The following CHODL variants were observed in gnomAD, a reference collection of about 807,000 sequenced individuals.
CHODL encodes the protein transmembrane protein MT75.
CHODL carries 29 observed loss-of-function variants against 34.5 expected under a neutral mutation model. The observed-to-expected ratio is 0.84, with a 90% CI of 0.63 to 1.15. CHODL has a LOEUF of 1.15. Ranked by LOEUF, CHODL falls within the 50% of genes most tolerant of loss-of-function variation. The pLI, the probability that CHODL is intolerant of heterozygous loss-of-function variation, is 0.00. For missense variants in CHODL, 332 were observed against 332.5 expected, an observed-to-expected ratio of 1.00 and a Z score of 0.01; for synonymous variants, 125 against 116.1, an observed-to-expected ratio of 1.08 and a Z score of -0.49.
At chr21:18,241,933 A>G (rs114727416), upstream of CHODL, among the ~76,000 whole-genome samples, 497 of 151,474 alleles carry the variant, frequency 3.3e-3, 4 homozygotes, top group African/African-American at 0.012. Context: ...AAAGTGATGC[A>G]TTTTAGGTGT....
At chr21:18,035,464 G>T (rs1298627589) in intron 2 of CHODL, among the ~76,000 whole-genome samples, 3 of 151,924 alleles carry the variant, frequency 2.0e-5, no homozygotes, top group Non-Finnish European at 4.4e-5. Context: ...CTTGAAGTTT[G>T]TTGAACGTTT....
chr21:17,958,514 G>A (rs965277169), intron 1 of CHODL, among the ~76,000 whole-genome samples: 5 of 152,258 alleles, frequency 3.3e-5, no homozygotes, highest in African/African-American at 1.2e-4. Context: ...TTTGTTCAAT[G>A]TCTGTGTGCA....
chr21:18,018,030 C>A (rs1023282943), intron 1 of CHODL, among the ~76,000 whole-genome samples: 6 of 152,184 alleles, frequency 3.9e-5, no homozygotes, highest in African/African-American at 1.4e-4. Context: ...CACATAGGCC[C>A]CTTTCTGTTG....
At chr21:17,990,391 T>C (rs929830793) in intron 1 of CHODL, among the ~76,000 whole-genome samples, 13 of 152,088 alleles carry the variant, frequency 8.5e-5, no homozygotes, top group Non-Finnish European at 1.5e-5. Flanking sequence ...GCTGAAGATA[T>C]TTTCCTGTCA....
At chr21:17,924,570 C>A (rs1179385553) in intron 1 of CHODL, among the ~76,000 whole-genome samples, 1 of 152,174 alleles carries the variant, frequency 6.6e-6, no homozygotes, top group Non-Finnish European at 1.5e-5. Flanking sequence ...TTGCCCATTG[C>A]AGGCTTCCAA....
chr21:18,168,546 G>A (rs575642611), intron 2 of CHODL, among the ~76,000 whole-genome samples: 1 of 152,080 alleles, frequency 6.6e-6, no homozygotes, highest in African/African-American at 2.4e-5. Flanking sequence ...ATCTTATCTT[G>A]TGCCTATTGG....
In CHODL at chr21:18,257,055, G is replaced by A; in HGVS notation, c.475G>A (p.Gly159Ser). ...ACCAACTGCCAATCCTGGCCTTGGGGGTCCCTACCTTTACCAGTGGAATGA... is the reference window on the plus strand; with the variant it reads ...ACCAACTGCCAATCCTGGCCTTGGGAGTCCCTACCTTTACCAGTGGAATGA... ...HQPTANPGLGGPYLYQWNDDR... is the reference protein window; with the variant it reads ...HQPTANPGLGSPYLYQWNDDR... Residue 159 changes from glycine (G) to serine (S), a missense_variant, in exon 3 of 6, where the codon GGT becomes AGT. Coordinates refer to ENST00000299295, the MANE Select transcript of CHODL (RefSeq NM_024944.3). 1 of 1,613,988 alleles carries A rather than the reference G, an allele frequency of 6.2e-7. No individual in the cohort carries two copies.
intron 2 of CHODL, among the ~76,000 whole-genome samples, chr21:18,052,784 TG>T (rs2064531870): frequency 6.6e-6 from 1 of 151,814 alleles, no homozygotes; most frequent in Non-Finnish European, 1.5e-5. Flanking sequence ...GACCAATATT[TG>T]GAAAGACACT....
chr21:17,929,260 A>G (rs2063252223), intron 1 of CHODL, among the ~76,000 whole-genome samples: 1 of 152,230 alleles, frequency 6.6e-6, no homozygotes, highest in Non-Finnish European at 1.5e-5. Context: ...GAATATCATC[A>G]CTAACAATTC....
At chr21:17,956,782 C>T (rs2063496513) in intron 1 of CHODL, among the ~76,000 whole-genome samples, 1 of 133,042 alleles carries the variant, frequency 7.5e-6, no homozygotes, top group African/African-American at 2.5e-5. Flanking sequence ...TCCTTATGAC[C>T]TTAACCCCTC....
At chr21:18,212,631 T>C (rs182147924) in intron 2 of CHODL, among the ~76,000 whole-genome samples, 1 of 152,194 alleles carries the variant, frequency 6.6e-6, no homozygotes, top group East Asian at 1.9e-4. Context: ...ACATTATAGT[T>C]TAAAAAGTAA....
chr21:18,065,250 G>C (rs566558352), intron 2 of CHODL, among the ~76,000 whole-genome samples: 7 of 152,284 alleles, frequency 4.6e-5, no homozygotes, highest in Admixed American at 4.6e-4. Context: ...TCCTGCATTG[G>C]AATAGGCATT....
At chr21:18,134,356 T>G (rs1393401853) in intron 2 of CHODL, 2 of 517,820 alleles carry the variant, frequency 3.9e-6, no homozygotes, top group Non-Finnish European at 7.7e-6. Flanking sequence ...TTTAGTCCAC[T>G]GAGTGAAAGG....
At chr21:18,104,456 G>A (rs1186635248) in intron 2 of CHODL, among the ~76,000 whole-genome samples, 1 of 152,286 alleles carries the variant, frequency 6.6e-6, no homozygotes, top group African/African-American at 2.4e-5. Context: ...CCATGCTGAA[G>A]TGTGAGTCAA....
chr21:18,127,678 T>TG (rs1244626631), intron 2 of CHODL, among the ~76,000 whole-genome samples: 2 of 114,758 alleles, frequency 1.7e-5, no homozygotes, highest in African/African-American at 7.0e-5. Context: ...CATTGTTTTT[T>TG]TTTTTTTTTT....
intron 2 of CHODL, among the ~76,000 whole-genome samples, chr21:18,098,432 C>T (rs928482518): frequency 6.6e-6 from 1 of 151,804 alleles, no homozygotes. Context: ...AAAAGACATA[C>T]AAATGGCAAA....
At chr21:18,125,698 C>A (rs963972762) in intron 2 of CHODL, among the ~76,000 whole-genome samples, 2 of 151,918 alleles carry the variant, frequency 1.3e-5, no homozygotes, top group African/African-American at 4.8e-5. Flanking sequence ...CGGGTTCATG[C>A]GATTCTTCTG....
chr21:18,251,737 T>C (rs1318576704), intron 1 of CHODL, among the ~76,000 whole-genome samples: 1 of 107,940 alleles, frequency 9.3e-6, no homozygotes, highest in East Asian at 2.8e-4. Context: ...ATTTATTTTA[T>C]TTATTTTATT....
intron 2 of CHODL, among the ~76,000 whole-genome samples, chr21:18,070,678 A>T (rs1405495434): frequency 6.6e-6 from 1 of 152,124 alleles, no homozygotes; most frequent in Non-Finnish European, 1.5e-5. Context: ...GCTTCTATAG[A>T]TATGCAGAAA....
Sources: gnomAD v4.1 joint callset for allele counts (sites outside exome capture counted in the v4.1 genomes callset) on GRCh38, gnomAD v4.1.1 for gene constraint, MANE v1.5 for transcripts, NCBI Gene and HGNC (gene_info 2026-07-23, HGNC 2026-07-21) for gene names.